OPCML: variants seen among roughly 807,000 people sequenced by gnomAD.
The protein encoded by OPCML is opioid binding protein/cell adhesion molecule like, also known as opioid-binding protein/cell adhesion molecule.
Under a neutral mutation model 37.8 loss-of-function variants are expected in OPCML, and 13 were observed. That is an observed-to-expected ratio of 0.34 (90% CI 0.22 to 0.55). OPCML has a LOEUF of 0.55. OPCML is among the 20% of genes least tolerant of loss of function. OPCML has a pLI of 0.91. For synonymous variants in OPCML, 176 were observed against 168.8 expected, an observed-to-expected ratio of 1.04 and a Z score of -0.33; for missense variants, 341 against 435.6, an observed-to-expected ratio of 0.78 and a Z score of 1.93.
At chr11:132,620,674 A>G (rs751765857) in intron 3 of OPCML, among the ~76,000 whole-genome samples, 1 of 152,122 alleles carries the variant, frequency 6.6e-6, no homozygotes, top group Non-Finnish European at 1.5e-5. Flanking sequence ...CCCTAGAGAG[A>G]GTGTATGCCT....
chr11:133,505,304 G>A (rs1948002136), intron 1 of OPCML, among the ~76,000 whole-genome samples: 1 of 152,224 alleles, frequency 6.6e-6, no homozygotes, highest in Non-Finnish European at 1.5e-5. Context: ...CAGGGACAAG[G>A]GGACCTCACA....
chr11:132,953,921 C>T (rs921926346), intron 1 of OPCML, among the ~76,000 whole-genome samples: 21 of 152,202 alleles, frequency 1.4e-4, no homozygotes, highest in African/African-American at 5.1e-4. Flanking sequence ...AGGTGGTACT[C>T]CATGACTGGC....
At chr11:133,087,177 G>C (rs2137045052) in intron 1 of OPCML, among the ~76,000 whole-genome samples, 1 of 152,352 alleles carries the variant, frequency 6.6e-6, no homozygotes, top group African/African-American at 2.4e-5. Context: ...GGACTGAATT[G>C]CTGCTTAGGC....
intron 3 of OPCML, among the ~76,000 whole-genome samples, chr11:132,606,577 T>C (rs543947360): frequency 1.3e-5 from 2 of 151,918 alleles, no homozygotes; most frequent in East Asian, 3.9e-4. Flanking sequence ...CCACCTCCAC[T>C]TTCTGTCTCT....
At chr11:133,470,826 C>T (rs996587330) in intron 1 of OPCML, among the ~76,000 whole-genome samples, 2 of 152,222 alleles carry the variant, frequency 1.3e-5, no homozygotes, top group East Asian at 1.9e-4. Flanking sequence ...CCATGTTTGT[C>T]TGCATTTCCA....
chr11:133,341,654 C>A (rs1943871928), intron 1 of OPCML, among the ~76,000 whole-genome samples: 1 of 152,182 alleles, frequency 6.6e-6, no homozygotes, highest in Non-Finnish European at 1.5e-5. Flanking sequence ...CACAGTGGCT[C>A]ACGCCTGTAA....
chr11:132,644,938 C>A (rs917519505), intron 3 of OPCML, among the ~76,000 whole-genome samples: 1 of 152,188 alleles, frequency 6.6e-6, no homozygotes, highest in African/African-American at 2.4e-5. Context: ...TTTTAGTTTG[C>A]AAAATACAAA....
chr11:132,751,600 A>C (rs538865107), intron 2 of OPCML, among the ~76,000 whole-genome samples: 1 of 152,160 alleles, frequency 6.6e-6, no homozygotes, highest in Non-Finnish European at 1.5e-5. Flanking sequence ...TGTAATCTTC[A>C]CTCCAATTTC....
intron 3 of OPCML, among the ~76,000 whole-genome samples, chr11:132,594,181 C>A (rs1379607828): frequency 6.6e-6 from 1 of 152,152 alleles, no homozygotes; most frequent in Non-Finnish European, 1.5e-5. Flanking sequence ...GCTGAAGATT[C>A]TTTACCCTTG....
chr11:133,209,835 C>G (rs1203332703), intron 1 of OPCML, among the ~76,000 whole-genome samples: 1 of 152,164 alleles, frequency 6.6e-6, no homozygotes, highest in Non-Finnish European at 1.5e-5. Context: ...TATGAGAAAA[C>G]ATAATGTATC....
chr11:132,796,547 T>C (rs191503504), intron 2 of OPCML, among the ~76,000 whole-genome samples: 6 of 151,000 alleles, frequency 4.0e-5, no homozygotes, highest in African/African-American at 1.5e-4. Context: ...CACTTATTAT[T>C]ATCCACTTTT....
At chr11:132,511,747 T>G (rs2096269274) in intron 4 of OPCML, among the ~76,000 whole-genome samples, 1 of 152,080 alleles carries the variant, frequency 6.6e-6, no homozygotes, top group African/African-American at 2.4e-5. Context: ...GCACATAAAC[T>G]AACTCACATG....
chr11:132,805,827 A>G (rs2136214039), intron 2 of OPCML, among the ~76,000 whole-genome samples: 1 of 152,348 alleles, frequency 6.6e-6, no homozygotes, highest in South Asian at 2.1e-4. Flanking sequence ...ATCTATAGGT[A>G]AAAATGATAA....
chr11:133,326,573 GGTGT>G lies in OPCML; in HGVS notation c.61+205687_61+205690del, dbSNP rs564515816. 1.8e-3 allele frequency among the ~76,000 whole-genome samples: 255 copies of G among 144,482 alleles called. 5 individuals carry two copies. Among genetic ancestry groups the G allele is most frequent in the African/African-American group, 6.3e-3 (246 of 38,842 alleles). 94.8% of individuals were successfully genotyped at this position (144,482 alleles called of 152,430 possible). A position where few individuals can be genotyped will look rare whatever the true frequency, so the allele number is the denominator to read the frequency against. Reference sequence around the variant, plus strand: ...TGGGTATATGTGTGTGTGGGGTGTCGGTGTGTGTATGTGGGTGTTGGGTTGTGGG... The same window carrying G: ...TGGGTATATGTGTGTGTGGGGTGTCGGTGTATGTGGGTGTTGGGTTGTGGG... On this transcript the variant is annotated intron_variant, in intron 1 of 7. Coordinates refer to ENST00000524381, the MANE Select transcript of OPCML (RefSeq NM_001012393.5).
intron 1 of OPCML, among the ~76,000 whole-genome samples, chr11:133,101,369 T>C (rs1037458068): frequency 3.3e-5 from 5 of 152,192 alleles, no homozygotes; most frequent in African/African-American, 1.2e-4. Flanking sequence ...GGAGAAAATA[T>C]TTGTTAAAGG....
chr11:133,282,829 G>A (rs1252624307), intron 1 of OPCML, among the ~76,000 whole-genome samples: 10 of 152,218 alleles, frequency 6.6e-5, no homozygotes, highest in Non-Finnish European at 1.3e-4. Flanking sequence ...TATGGGACAT[G>A]GAGTCAAAGG....
intron 1 of OPCML, among the ~76,000 whole-genome samples, chr11:133,027,078 T>TTC (rs1268343602): frequency 1.3e-5 from 2 of 152,208 alleles, no homozygotes; most frequent in Non-Finnish European, 2.9e-5. Flanking sequence ...GCTCACTAGC[T>TTC]CTGTGACCTT....
intron 2 of OPCML, among the ~76,000 whole-genome samples, chr11:132,783,570 C>A (rs1367569394): frequency 6.6e-6 from 1 of 152,132 alleles, no homozygotes; most frequent in African/African-American, 2.4e-5. Flanking sequence ...ACTAAATTCT[C>A]CAGGAACACA....
chr11:133,238,272 G>A (rs1346442960), intron 1 of OPCML, among the ~76,000 whole-genome samples: 4 of 152,188 alleles, frequency 2.6e-5, no homozygotes, highest in East Asian at 1.9e-4. Context: ...CTCTCCATAG[G>A]TGGCTGTTGG....
Sources: gnomAD v4.1 joint callset for allele counts (sites outside exome capture counted in the v4.1 genomes callset) on GRCh38, gnomAD v4.1.1 for gene constraint, MANE v1.5 for transcripts, NCBI Gene and HGNC (gene_info 2026-07-23, HGNC 2026-07-21) for gene names.